Variants in PMM2 observed in about 807,000 individuals in gnomAD.
PMM2 encodes mannose-6-phosphate isomerase.
Under a neutral mutation model 33.2 loss-of-function variants are expected in PMM2, and 35 were observed. The observed-to-expected ratio is 1.06, with a 90% CI of 0.81 to 1.40. PMM2 has a LOEUF of 1.40. Ranked by LOEUF, PMM2 falls within the 40% of genes most tolerant of loss-of-function variation. The pLI, the probability that PMM2 is intolerant of heterozygous loss-of-function variation, is 0.00. For synonymous variants in PMM2, 153 were observed against 114.7 expected (o/e 1.33, Z -2.13); for missense variants, 386 against 306.0 (o/e 1.26, Z -1.95).
chr16:8,818,191 T>C (rs1001505997), intron 7 of PMM2, among the ~76,000 whole-genome samples: 7 of 147,934 alleles, frequency 4.7e-5, no homozygotes, highest in Non-Finnish European at 1.1e-4. Flanking sequence ...CGTGAGCCAC[T>C]GCGCCTGGCG....
chr16:8,822,834 A>G (rs1010487375), intron 7 of PMM2, among the ~76,000 whole-genome samples: 4 of 152,222 alleles, frequency 2.6e-5, no homozygotes, highest in Admixed American at 2.6e-4. Flanking sequence ...GAAGGCCTGC[A>G]TGACAAAGGC....
intron 1 of PMM2, among the ~76,000 whole-genome samples, chr16:8,799,551 CTCTTT>C (rs1567328581): frequency 2.0e-5 from 3 of 149,744 alleles, no homozygotes; most frequent in Non-Finnish European, 4.4e-5. Flanking sequence ...ACAGTTCTGA[CTCTTT>C]TTTTTTTTTT....
chr16:8,828,461 A>C (rs2060791219), intron 7 of PMM2, among the ~76,000 whole-genome samples: 1 of 152,132 alleles, frequency 6.6e-6, no homozygotes, highest in Non-Finnish European at 1.5e-5. Flanking sequence ...AGGCTGTTAC[A>C]CTGGTCTTCC....
intron 7 of PMM2, among the ~76,000 whole-genome samples, chr16:8,824,938 GTCTC>G (rs1213017860): frequency 3.9e-5 from 6 of 152,068 alleles, no homozygotes; most frequent in Non-Finnish European, 8.8e-5. Context: ...ATCTTTCATT[GTCTC>G]TCTCTGTCAA....
At chr16:8,832,125 T>G in intron 7 of PMM2, 1 of 985,278 alleles carries the variant, frequency 1.0e-6, no homozygotes, top group Non-Finnish European at 1.2e-6. Context: ...TTGCAGCTAC[T>G]CTGGTATGCA....
Position 8,847,746 on chromosome 16 carries a change from TCA to T in PMM2, c.665_666del (p.Thr222ArgfsTer13). 6.2e-7 allele frequency: 1 copy of T among 1,613,236 alleles called. No individual in the cohort carries two copies. The highest frequency in any genetic ancestry group is 1.1e-5 in the South Asian group (1 of 91,034). On this transcript the variant is annotated frameshift_variant, in exon 8 of 8. Transcript: ENST00000268261. LOFTEE classifies it high-confidence loss of function. The stretch of plus-strand genomic sequence containing the variant: ...CAGGGTGGCAATGACCATGAGATCT[TCA>T]CAGACCCCAGAACCATGGGCTACTC...
intron 7 of PMM2, among the ~76,000 whole-genome samples, chr16:8,823,168 C>T (rs188098320): frequency 1.3e-5 from 2 of 152,254 alleles, no homozygotes; most frequent in East Asian, 1.9e-4. Context: ...ATGGGCTAGG[C>T]ATCTTTAGTT....
At chr16:8,833,348 G>A (rs2060822488) in intron 7 of PMM2, among the ~76,000 whole-genome samples, 1 of 152,154 alleles carries the variant, frequency 6.6e-6, no homozygotes, top group Admixed American at 6.5e-5. Context: ...CACAATGGTG[G>A]GATGTCATCA....
intron 1 of PMM2, among the ~76,000 whole-genome samples, chr16:8,799,234 A>G (rs937332839): frequency 2.0e-5 from 3 of 152,162 alleles, no homozygotes; most frequent in Middle Eastern, 3.2e-3. Context: ...CAGCTGCCCA[A>G]TGTGGTCTGT....
intron 7 of PMM2, among the ~76,000 whole-genome samples, chr16:8,845,306 G>T (rs996994749): frequency 4.6e-5 from 7 of 152,160 alleles, no homozygotes; most frequent in African/African-American, 9.7e-5. Context: ...GATCAGTTCG[G>T]GTGGGGCAGA....
intron 7 of PMM2, among the ~76,000 whole-genome samples, chr16:8,827,151 G>T (rs954223599): frequency 2.6e-5 from 4 of 152,032 alleles, no homozygotes; most frequent in Admixed American, 6.6e-5. Flanking sequence ...GTTTTATGAG[G>T]AAAACAGAGT....
At chr16:8,840,483 A>G (rs1284489987) in intron 7 of PMM2, among the ~76,000 whole-genome samples, 1 of 152,034 alleles carries the variant, frequency 6.6e-6, no homozygotes, top group Non-Finnish European at 1.5e-5. Context: ...AGGGATGACT[A>G]GTTTTTTGGG....
At chr16:8,815,475 C>T (rs781665687) in intron 7 of PMM2, among the ~76,000 whole-genome samples, 1 of 152,224 alleles carries the variant, frequency 6.6e-6, no homozygotes, top group Non-Finnish European at 1.5e-5. Context: ...AAGAGATTCA[C>T]CTGCCTTGGC....
At position 8,843,679 on chromosome 16, in the gene PMM2, T is replaced by G. The variant is rs148139826; in HGVS notation, c.640-4045T>G. ...AAGGAATTGCAACTTTTTTCTATTATTGTACACCTTGAAGGTGAGGTTAAT... is the reference window on the plus strand; with the variant it reads ...AAGGAATTGCAACTTTTTTCTATTAGTGTACACCTTGAAGGTGAGGTTAAT... On this transcript the variant is annotated intron_variant, in intron 7 of 7. Coordinates refer to ENST00000268261, the MANE Select transcript of PMM2 (RefSeq NM_000303.3). 7.3e-3 allele frequency among the ~76,000 whole-genome samples: 1,117 copies of G among 152,256 alleles called. 26 individuals carry two copies. Among genetic ancestry groups the G allele is most frequent in the African/African-American group, 0.026 (1,062 of 41,544 alleles).
At position 8,797,912 on chromosome 16, in the gene PMM2, C is replaced by T; in HGVS notation, c.30C>T (p.Leu10=). The T allele has an allele frequency of 1.2e-6, 2 of 1,611,212 alleles. No individual in the cohort carries two copies. The highest frequency in any genetic ancestry group is 1.7e-6 in the Non-Finnish European group (2 of 1,179,128). Residue 10 remains leucine, a synonymous_variant, in exon 1 of 8, where the codon CTC becomes CTT. Coordinates refer to ENST00000268261, the MANE Select transcript of PMM2 (RefSeq NM_000303.3). MAAPGPALC[L]FDVDGTLTAP... is the part of the protein sequence containing the mutation. ...CAGCGCCTGGCCCAGCGCTCTGCCT[C>T]TTCGACGTGGATGGGACCCTCACCG...
intron 7 of PMM2, among the ~76,000 whole-genome samples, chr16:8,822,537 G>C (rs967230292): frequency 6.6e-6 from 1 of 152,178 alleles, no homozygotes; most frequent in Non-Finnish European, 1.5e-5. Flanking sequence ...GAATGAACAA[G>C]GACATCTTGG....
chr16:8,804,623 C>A, intron 2 of PMM2, 144 bp from the exon 3 acceptor site: 1 of 678,396 alleles, frequency 1.5e-6, no homozygotes, highest in East Asian at 2.7e-5. Flanking sequence ...TTTCCATACT[C>A]TTCTCTTAGT....
chr16:8,829,922 CTG>C (rs1469832744), intron 7 of PMM2, among the ~76,000 whole-genome samples: 1 of 152,220 alleles, frequency 6.6e-6, no homozygotes. Context: ...CCCCTATTCT[CTG>C]TACAATTAGG....
At chr16:8,831,831 T>C (rs1338676391) in intron 7 of PMM2, among the ~76,000 whole-genome samples, 2 of 152,172 alleles carry the variant, frequency 1.3e-5, no homozygotes, top group African/African-American at 4.8e-5. Context: ...ATTTAAATAT[T>C]AATGCGCGGA....
Sources: allele counts gnomAD v4.1 joint callset (sites outside exome capture counted in the v4.1 genomes callset), GRCh38; gene constraint gnomAD v4.1.1; transcripts MANE v1.5; gene names NCBI Gene and HGNC (gene_info 2026-07-23, HGNC 2026-07-21).